PIP4K2A: variants seen among roughly 807,000 people sequenced by gnomAD.
PIP4K2A encodes phosphatidylinositol-5-phosphate 4-kinase type 2 alpha.
In PIP4K2A, 14 loss-of-function variants were observed where a neutral mutation model predicts 42.9. That is an observed-to-expected ratio of 0.33 (90% CI 0.22 to 0.51). The LOEUF is 0.51. Ranked by LOEUF, PIP4K2A falls within the 20% of genes least tolerant of loss-of-function variation. The probability of loss-of-function intolerance (pLI) is 0.97; values close to 1 mark genes in which losing one functional copy is unlikely to be tolerated. For synonymous variants in PIP4K2A, 192 were observed against 192.2 expected (o/e 1.00, Z 0.01); for missense variants, 434 against 519.8 (o/e 0.83, Z 1.61).
intron 6 of PIP4K2A, among the ~76,000 whole-genome samples, chr10:22,551,971 A>G (rs747079827): frequency 1.3e-5 from 2 of 152,208 alleles, no homozygotes; most frequent in South Asian, 2.1e-4. Flanking sequence ...AGCAACACAT[A>G]TGTACATAAA....
chr10:22,679,415 A>G (rs1290418826), intron 1 of PIP4K2A, among the ~76,000 whole-genome samples: 1 of 152,226 alleles, frequency 6.6e-6, no homozygotes, highest in African/African-American at 2.4e-5. Flanking sequence ...GACAGACAAT[A>G]TCAAGTATTG....
At chr10:22,571,394 T>C (rs1365603916) in intron 5 of PIP4K2A, among the ~76,000 whole-genome samples, 1 of 152,220 alleles carries the variant, frequency 6.6e-6, no homozygotes, top group African/African-American at 2.4e-5. Context: ...TTAAAAAACT[T>C]ATATCCACCA....
intron 1 of PIP4K2A, among the ~76,000 whole-genome samples, chr10:22,688,642 G>C (rs575181821): frequency 1.3e-5 from 2 of 152,052 alleles, no homozygotes; most frequent in African/African-American, 4.8e-5. Context: ...TCATAGAGAT[G>C]GGGTCCTGCT....
At chr10:22,550,219 A>G (rs1257879938) in intron 7 of PIP4K2A, among the ~76,000 whole-genome samples, 1 of 152,198 alleles carries the variant, frequency 6.6e-6, no homozygotes, top group African/African-American at 2.4e-5. Flanking sequence ...AGGCTATGTT[A>G]ACCAGCACTG....
chr10:22,647,847 A>C (rs1838914761), intron 1 of PIP4K2A, among the ~76,000 whole-genome samples: 1 of 152,262 alleles, frequency 6.6e-6, no homozygotes, highest in Non-Finnish European at 1.5e-5. Context: ...ACACGGCAGA[A>C]AACTCACCAT....
At position 22,677,464 on chromosome 10, in the gene PIP4K2A, TA is replaced by T. The variant is rs557588460; in HGVS notation, c.144+36718del. Among the ~76,000 whole-genome samples, 477 of 152,294 alleles carry T rather than the reference TA, an allele frequency of 3.1e-3. 2 individuals are homozygous for T. Among genetic ancestry groups the T allele is most frequent in the African/African-American group, 0.011 (447 of 41,566 alleles). On this transcript the variant is annotated intron_variant, in intron 1 of 9. Transcript: ENST00000376573. ...TGGAACAGGCTCTCAGGCTGCATTT[TA>T]CACTGGGGCACAACTCCCTGCAGAT... is the stretch of plus-strand genomic sequence containing the variant.
chr10:22,673,610 C>T (rs570249627), intron 1 of PIP4K2A, among the ~76,000 whole-genome samples: 1 of 152,182 alleles, frequency 6.6e-6, no homozygotes, highest in Non-Finnish European at 1.5e-5. Context: ...GCTCCTGCAG[C>T]CCCTCAACAC....
chr10:22,566,355 T>C (rs1171926193), intron 6 of PIP4K2A, among the ~76,000 whole-genome samples: 1 of 152,148 alleles, frequency 6.6e-6, no homozygotes, highest in Admixed American at 6.5e-5. Context: ...CCCCGATAAC[T>C]GACATTTCAA....
chr10:22,541,788 C>T lies in PIP4K2A; in HGVS notation c.1036+16G>A. ...CCACTTCACATGCAAAAAGGGTCCACAGTAATCAAACTTACTTTCATGGCA... is the reference window on the plus strand; with the variant it reads ...CCACTTCACATGCAAAAAGGGTCCATAGTAATCAAACTTACTTTCATGGCA... On this transcript the variant is annotated intron_variant, in intron 8 of 9. Transcript: ENST00000376573. 2 of 1,537,192 alleles carry T rather than the reference C, an allele frequency of 1.3e-6. No homozygotes were observed. The highest frequency in any genetic ancestry group is 1.7e-6 in the Non-Finnish European group (2 of 1,143,222).
At chr10:22,647,320 GTGTA>G (rs759046780) in intron 1 of PIP4K2A, among the ~76,000 whole-genome samples, 964 of 88,640 alleles carry the variant, frequency 0.011, 6 homozygotes, top group Non-Finnish European at 0.021. Flanking sequence ...GTGTGTGTGT[GTGTA>G]TGTGTGTGTG....
chr10:22,572,464 A>G (rs912677344), intron 5 of PIP4K2A, among the ~76,000 whole-genome samples: 2 of 152,188 alleles, frequency 1.3e-5, no homozygotes, highest in Non-Finnish European at 2.9e-5. Context: ...AAAAAATACA[A>G]AAAATTAGCT....
chr10:22,684,657 A>T (rs1244518747), intron 1 of PIP4K2A, among the ~76,000 whole-genome samples: 1 of 152,214 alleles, frequency 6.6e-6, no homozygotes, highest in Non-Finnish European at 1.5e-5. Flanking sequence ...GCTCCCTGGC[A>T]TCAAAACAAT....
chr10:22,691,393 C>T (rs932350521), intron 1 of PIP4K2A, among the ~76,000 whole-genome samples: 4 of 152,182 alleles, frequency 2.6e-5, no homozygotes, highest in Non-Finnish European at 5.9e-5. Flanking sequence ...CTTGCCCCTT[C>T]TCCTCCTCCC....
At chr10:22,628,280 G>GA (rs1390997230) in intron 1 of PIP4K2A, among the ~76,000 whole-genome samples, 3 of 152,140 alleles carry the variant, frequency 2.0e-5, no homozygotes, top group Non-Finnish European at 4.4e-5. Context: ...AATTTTTGAA[G>GA]AAGTTGTTTG....
chr10:22,610,485 T>C (rs1838006585), intron 1 of PIP4K2A, among the ~76,000 whole-genome samples: 1 of 152,274 alleles, frequency 6.6e-6, no homozygotes, highest in Non-Finnish European at 1.5e-5. Flanking sequence ...CAAAGATTTA[T>C]GCTTCCAGTA....
chr10:22,668,673 C>A (rs1328345302), intron 1 of PIP4K2A, among the ~76,000 whole-genome samples: 1 of 152,100 alleles, frequency 6.6e-6, no homozygotes, highest in Non-Finnish European at 1.5e-5. Flanking sequence ...ATATGGCCCA[C>A]AATGTAAATG....
At chr10:22,633,563 G>A (rs1356437231) in intron 1 of PIP4K2A, among the ~76,000 whole-genome samples, 2 of 152,052 alleles carry the variant, frequency 1.3e-5, no homozygotes, top group African/African-American at 2.4e-5. Flanking sequence ...GTGCTCCTTG[G>A]AGCCAGGAGC....
chr10:22,701,657 T>C (rs1214027505), intron 1 of PIP4K2A, among the ~76,000 whole-genome samples: 3 of 152,214 alleles, frequency 2.0e-5, no homozygotes, highest in Admixed American at 6.5e-5. Context: ...TTGATTTGCA[T>C]TTCTGCTGAC....
intron 1 of PIP4K2A, among the ~76,000 whole-genome samples, chr10:22,643,711 C>A (rs1472338098): frequency 2.0e-5 from 3 of 152,174 alleles, no homozygotes; most frequent in Non-Finnish European, 4.4e-5. Flanking sequence ...GACCACACTT[C>A]CCTTGCAGCC....
Sources: allele counts gnomAD v4.1 joint callset (sites outside exome capture counted in the v4.1 genomes callset), GRCh38; gene constraint gnomAD v4.1.1; transcripts MANE v1.5; gene names NCBI Gene and HGNC (gene_info 2026-07-23, HGNC 2026-07-21).